The following C1QTNF8 variants were observed in gnomAD, a reference collection of about 807,000 sequenced individuals.
C1QTNF8 encodes the protein C1q and TNF related 8.
Under a neutral mutation model 19.2 loss-of-function variants are expected in C1QTNF8, and 27 were observed. The observed-to-expected ratio is 1.41, with a 90% CI of 1.04 to 1.94. C1QTNF8 has a LOEUF of 1.94. C1QTNF8 is among the 30% of genes most tolerant of loss of function. The pLI is 0.00. For missense variants in C1QTNF8, 484 were observed against 374.4 expected, an observed-to-expected ratio of 1.29 and a Z score of -2.42; for synonymous variants, 208 against 172.8, an observed-to-expected ratio of 1.20 and a Z score of -1.60.
chr16:1,092,705 AGTCG>A (rs1243456395), intron 4 of C1QTNF8, among the ~76,000 whole-genome samples: 11 of 96,710 alleles, frequency 1.1e-4, no homozygotes, highest in Non-Finnish European at 2.0e-4. Context: ...CCCTGCACAC[AGTCG>A]GCGCTCAACC....
Position 1,090,128 on chromosome 16 carries a change from A to G in C1QTNF8, c.*471T>C. 1 of 152,364 alleles carries G rather than the reference A, an allele frequency of 6.6e-6. No homozygotes were observed. Among genetic ancestry groups the G allele is most frequent in the Non-Finnish European group, 1.5e-5 (1 of 68,174 alleles). 9.4% of individuals were successfully genotyped at this position (152,364 alleles called of 1,614,324 possible). On this transcript the variant is annotated 3_prime_UTR_variant, in exon 5 of 5. Coordinates refer to ENST00000328449, the MANE Select transcript of C1QTNF8 (RefSeq NM_207419.3). ...CCAGCCCCTCCTGTCCTTGGTTGTC[A>G]CCACACTTCCAGAAGCCCTGCTACC... is the stretch of plus-strand genomic sequence containing the variant.
At chr16:1,095,379 C>T (rs1960664845) in intron 2 of C1QTNF8, among the ~76,000 whole-genome samples, 1 of 152,200 alleles carries the variant, frequency 6.6e-6, no homozygotes, top group Admixed American at 6.5e-5. Flanking sequence ...GCACAGTGCA[C>T]AGAGGCACCG....
In C1QTNF8 at chr16:1,090,412, G is replaced by A. The variant is rs927023446; in HGVS notation, c.*187C>T. 5.2e-5 allele frequency: 8 copies of A among 152,478 alleles called. No individual in the cohort carries two copies. The highest frequency in any genetic ancestry group is 2.1e-4 in the South Asian group (1 of 4,834). 9.4% of individuals were successfully genotyped at this position (152,478 alleles called of 1,614,324 possible). On this transcript the variant is annotated 3_prime_UTR_variant, in exon 5 of 5. Coordinates refer to ENST00000328449, the MANE Select transcript of C1QTNF8 (RefSeq NM_207419.3). Reference sequence around the variant, plus strand: ...TCCTGCGCTGTTGGGGGCCACGCTTGTTCCCCCGCCTGCCTGGGGAGTGGC... The same window carrying A: ...TCCTGCGCTGTTGGGGGCCACGCTTATTCCCCCGCCTGCCTGGGGAGTGGC...
intron 4 of C1QTNF8, among the ~76,000 whole-genome samples, chr16:1,092,668 A>C (rs34690203): frequency 0.012 from 490 of 40,790 alleles, no homozygotes; most frequent in African/African-American, 0.047. Context: ...TCAACCAATC[A>C]CAGCACACAG....
chr16:1,088,695 C>T lies in C1QTNF8; in HGVS notation c.*1904G>A, dbSNP rs1284035715. On this transcript the variant is annotated 3_prime_UTR_variant, in exon 5 of 5. Coordinates refer to ENST00000328449, the MANE Select transcript of C1QTNF8 (RefSeq NM_207419.3). ...GAGGCTCTCACAGGCATCTCCCCACCCCGGTTCTCTGAGAACCAGGGTCGC... is the reference window on the plus strand; with the variant it reads ...GAGGCTCTCACAGGCATCTCCCCACTCCGGTTCTCTGAGAACCAGGGTCGC... Among the ~76,000 whole-genome samples, 1 of 152,142 alleles carries T rather than the reference C, an allele frequency of 6.6e-6. No homozygotes were observed. Among genetic ancestry groups the T allele is most frequent in the East Asian group, 1.9e-4 (1 of 5,200 alleles).
rs1960488085 is a variant in C1QTNF8 at position 1,088,895 on chromosome 16, C to G, written c.*1704G>C. On this transcript the variant is annotated 3_prime_UTR_variant, in exon 5 of 5. Transcript: ENST00000328449. ...CTGTGCGGGGAGGTCCAGCCTGTCC[C>G]TCGGAATAAGCGCCTGGCTTCGGGG... Among the ~76,000 whole-genome samples, 1 of 151,208 alleles carries G rather than the reference C, an allele frequency of 6.6e-6. No individual in the cohort carries two copies. Among genetic ancestry groups the G allele is most frequent in the South Asian group, 2.1e-4 (1 of 4,788 alleles).
chr16:1,093,563 C>A lies in C1QTNF8; in HGVS notation c.697G>T (p.Glu233Ter). ...QRDRDNAIYG[E>*]HGDLYITFSG... Reference sequence around the variant, plus strand: ...AAGGTGATGTAGAGGTCTCCGTGCTCGCCGTAGATGGCGTTGTCCCGGTCG... The same window carrying A: ...AAGGTGATGTAGAGGTCTCCGTGCTAGCCGTAGATGGCGTTGTCCCGGTCG... The change falls in exon 4 of 5, where the codon GAG becomes TAG. Residue 233 changes from glutamate to a stop codon, truncating the protein, a stop_gained. Coordinates refer to ENST00000328449, the MANE Select transcript of C1QTNF8 (RefSeq NM_207419.3). LOFTEE classifies it high-confidence loss of function. 1 of 1,591,810 alleles carries A rather than the reference C, an allele frequency of 6.3e-7. No homozygotes were observed. Among genetic ancestry groups the A allele is most frequent in the Admixed American group, 1.7e-5 (1 of 58,280 alleles).
At position 1,093,882 on chromosome 16, in the gene C1QTNF8, G is replaced by A. The variant is rs1247522252; in HGVS notation, c.378C>T (p.Gly126=). 2 of 1,573,642 alleles carry A rather than the reference G, an allele frequency of 1.3e-6. No individual in the cohort carries two copies. Among genetic ancestry groups the A allele is most frequent in the Non-Finnish European group, 1.7e-6 (2 of 1,168,072 alleles). The change falls in exon 4 of 5, where the codon GGC becomes GGT. Residue 126 remains glycine (G), a synonymous_variant. Coordinates refer to ENST00000328449, the MANE Select transcript of C1QTNF8 (RefSeq NM_207419.3). ...YAAFSVGRRE[G]LHSSDHFQAV... ...CCTGGAAGTGGTCGGAGCTGTGCAG[G>A]CCCTCGCGCCGGCCCACGGAGAAGG...
chr16:1,091,032 A>G (rs1360070905), intron 4 of C1QTNF8, among the ~76,000 whole-genome samples: 1 of 151,958 alleles, frequency 6.6e-6, no homozygotes, highest in Non-Finnish European at 1.5e-5. Context: ...CTGCTCAGAG[A>G]TTGGTCAGTA....
At chr16:1,094,641 C>T (rs1229185741) in intron 3 of C1QTNF8, 74 bp downstream of exon 3, 3 of 1,319,550 alleles carry the variant, frequency 2.3e-6, no homozygotes, top group Admixed American at 2.2e-5. Flanking sequence ...CTCCCAAGCC[C>T]CAGGTGCTCC....
rs1366319778 is a variant in C1QTNF8 at position 1,088,843 on chromosome 16, G to A, written c.*1756C>T. 2.5e-5 allele frequency among the ~76,000 whole-genome samples: 1 copy of A among 40,054 alleles called. No individual in the cohort carries two copies. Among genetic ancestry groups the A allele is most frequent in the Non-Finnish European group, 5.2e-5 (1 of 19,186 alleles). The allele number at this position is 40,054 out of a possible 152,430, so 26.3% of individuals were successfully genotyped here. A position where few individuals can be genotyped will look rare whatever the true frequency, so the allele number is the denominator to read the frequency against. On this transcript the variant is annotated 3_prime_UTR_variant, in exon 5 of 5. Transcript: ENST00000328449. ...CTGCTGCTTCTTAGTATCCGCAGCT[G>A]CAACTACCTATAGGCCACGGCGACG...
chr16:1,094,426 C>T, intron 3 of C1QTNF8: 2 of 477,370 alleles, frequency 4.2e-6, no homozygotes, highest in African/African-American at 4.1e-5. Context: ...AAGCGGGCTG[C>T]CCAGGCTCCC....
Position 1,095,777 on chromosome 16 carries a change from A to G in C1QTNF8, c.-174T>C, listed in dbSNP as rs1960673420. 1 of 152,270 alleles carries G rather than the reference A, an allele frequency of 6.6e-6. No homozygotes were observed. The allele number at this position is 152,270 out of a possible 1,614,324, so 9.4% of individuals were successfully genotyped here. ...CCCTCTGGGATTGTAGCACAGGGCA[A>G]GGTCCTTCCTCCTGCAGTGGGTCAT... is the stretch of plus-strand genomic sequence containing the variant. On this transcript the variant is annotated 5_prime_UTR_variant, in exon 2 of 5. Coordinates refer to ENST00000328449, the MANE Select transcript of C1QTNF8 (RefSeq NM_207419.3).
At position 1,093,619 on chromosome 16, in the gene C1QTNF8, C is replaced by A. The variant is rs1297565857; in HGVS notation, c.641G>T (p.Gly214Val). Reference protein sequence around the residue: ...AQSLMLLLAAGDAVWVRMFQR... With the variant: ...AQSLMLLLAAVDAVWVRMFQR... Reference sequence around the variant, plus strand: ...GAACATGCGCACCCAGACGGCGTCGCCCGCCGCCAGCAGCAGCATCAGGCT... The same window carrying A: ...GAACATGCGCACCCAGACGGCGTCGACCGCCGCCAGCAGCAGCATCAGGCT... The change falls in exon 4 of 5, where the codon GGC (glycine) becomes GTC (valine). Residue 214 changes from glycine to valine, a missense_variant. By Grantham distance (109) the Gly-to-Val change is moderately radical. Coordinates refer to ENST00000328449, the MANE Select transcript of C1QTNF8 (RefSeq NM_207419.3). The A allele has an allele frequency of 6.2e-7, 1 of 1,606,696 alleles. No individual in the cohort carries two copies.
At chr16:1,094,591 AG>A (rs1960644343) in intron 3 of C1QTNF8, 123 bp downstream of exon 3, 1 of 711,304 alleles carries the variant, frequency 1.4e-6, no homozygotes, top group Non-Finnish European at 2.2e-6. Flanking sequence ...GAGCGCTGCC[AG>A]GGCAGACACT....
At chr16:1,093,021 C>T (rs1452559810) in intron 4 of C1QTNF8, among the ~76,000 whole-genome samples, 5 of 126,468 alleles carry the variant, frequency 4.0e-5, no homozygotes, top group African/African-American at 9.6e-5. Flanking sequence ...ACAGTCGGCG[C>T]TCAACCAATC....
intron 4 of C1QTNF8, among the ~76,000 whole-genome samples, chr16:1,090,899 G>C (rs1018674334): frequency 1.3e-5 from 2 of 152,220 alleles, no homozygotes; most frequent in African/African-American, 2.4e-5. Context: ...AGGTCCCCCT[G>C]ACCTGGGGGC....
intron 3 of C1QTNF8, 182 bp downstream of exon 3, chr16:1,094,533 C>T (rs1384730232): frequency 2.0e-6 from 1 of 502,632 alleles, no homozygotes; most frequent in Non-Finnish European, 3.4e-6. Context: ...CCTCCCCAAG[C>T]CAGGCTTCTT....
intron 4 of C1QTNF8, among the ~76,000 whole-genome samples, chr16:1,092,893 C>G (rs56116816): frequency 3.1e-3 from 48 of 15,542 alleles, no homozygotes; most frequent in Admixed American, 3.0e-3. Flanking sequence ...CAACCAATCC[C>G]TGCACACAGT....
Sources: allele counts gnomAD v4.1 joint callset (sites outside exome capture counted in the v4.1 genomes callset), GRCh38; gene constraint gnomAD v4.1.1; transcripts MANE v1.5; gene names NCBI Gene and HGNC (gene_info 2026-07-23, HGNC 2026-07-21).